TLN2: variants seen among roughly 807,000 people sequenced by gnomAD.
TLN2 encodes the protein talin-2.
A neutral mutation model predicts 294.7 loss-of-function variants in TLN2; 118 were observed. The observed-to-expected ratio is 0.40, with a 90% CI of 0.34 to 0.47. The LOEUF (loss-of-function observed/expected upper bound fraction) is 0.47. Among genes scored for constraint, TLN2 ranks in the 20% least tolerant of loss-of-function variants. TLN2 has a pLI of 0.84. For missense variants in TLN2, 3,083 were observed against 3,282.2 expected (o/e 0.94, Z 1.48); for synonymous variants, 1,431 against 1,304.5 (o/e 1.10, Z -2.09).
intron 1 of TLN2, among the ~76,000 whole-genome samples, chr15:62,462,640 T>C (rs2036868705): frequency 6.6e-6 from 1 of 152,148 alleles, no homozygotes. Flanking sequence ...AGTGAGGTAG[T>C]GCTATAGGCT....
At chr15:62,691,011 A>G (rs1478497137) in intron 12 of TLN2, among the ~76,000 whole-genome samples, 6 of 87,450 alleles carry the variant, frequency 6.9e-5, no homozygotes, top group Non-Finnish European at 1.3e-4. Context: ...GTGGAAAGAG[A>G]GGGGGAGGGA....
intron 1 of TLN2, among the ~76,000 whole-genome samples, chr15:62,426,807 C>T (rs1327665857): frequency 6.6e-6 from 1 of 152,178 alleles, no homozygotes; most frequent in African/African-American, 2.4e-5. Flanking sequence ...GGCTGCTCTC[C>T]AGGGGCTGAG....
At chr15:62,718,657 G>A (rs1382873534) in intron 24 of TLN2, among the ~76,000 whole-genome samples, 1 of 152,174 alleles carries the variant, frequency 6.6e-6, no homozygotes, top group African/African-American at 2.4e-5. Context: ...GGTCCTGTGT[G>A]GATAGAGAAG....
chr15:62,754,071 C>T (rs1303739038), intron 36 of TLN2, 155 bp downstream of exon 36: 9 of 1,020,196 alleles, frequency 8.8e-6, no homozygotes, highest in Middle Eastern at 3.4e-4. Context: ...CAGGTGGGAG[C>T]AAATATTGCA....
intron 14 of TLN2, among the ~76,000 whole-genome samples, chr15:62,695,216 A>G (rs906682334): frequency 1.3e-5 from 2 of 152,218 alleles, no homozygotes; most frequent in African/African-American, 4.8e-5. Context: ...AGAGCAATGT[A>G]ATGACTGTTC....
intron 45 of TLN2, among the ~76,000 whole-genome samples, chr15:62,791,287 G>T (rs760034764): frequency 6.6e-6 from 1 of 152,094 alleles, no homozygotes; most frequent in Non-Finnish European, 1.5e-5. Flanking sequence ...CTGGGAGGCG[G>T]AGATTGCAGT....
At position 62,701,985 on chromosome 15, in the gene TLN2, G is replaced by A; in HGVS notation, c.1697-7G>A. 1 of 1,613,828 alleles carries A rather than the reference G, an allele frequency of 6.2e-7. No individual in the cohort carries two copies. The highest frequency in any genetic ancestry group is 8.5e-7 in the Non-Finnish European group (1 of 1,180,012). On this transcript the variant is annotated splice_region_variant and splice_polypyrimidine_tract_variant and intron_variant, in intron 17 of 58. Transcript: ENST00000636159. ...CCTTTGATGGGGATGGTTCTTTTCT[G>A]TGCCAGGTGACCCTGCAGACACTGA...
chr15:62,542,962 A>C (rs1364368521), intron 1 of TLN2, among the ~76,000 whole-genome samples: 1 of 152,136 alleles, frequency 6.6e-6, no homozygotes, highest in Non-Finnish European at 1.5e-5. Flanking sequence ...GTGGCCAGAG[A>C]AATGGACTGG....
chr15:62,562,908 A>T (rs1298649633), intron 1 of TLN2, among the ~76,000 whole-genome samples: 15 of 11,882 alleles, frequency 1.3e-3, no homozygotes, highest in African/African-American at 3.5e-3. Context: ...GTATTCCATC[A>T]CACACACACA....
chr15:62,788,273 T>C (rs2064839990), intron 45 of TLN2, among the ~76,000 whole-genome samples: 1 of 151,878 alleles, frequency 6.6e-6, no homozygotes. Flanking sequence ...ATCGCACCAT[T>C]GTACTCCAGC....
intron 1 of TLN2, among the ~76,000 whole-genome samples, chr15:62,552,270 T>G (rs976731975): frequency 2.0e-5 from 3 of 152,226 alleles, no homozygotes; most frequent in African/African-American, 7.2e-5. Flanking sequence ...ATCTGTCTTT[T>G]GAGAAATTTG....
intron 9 of TLN2, among the ~76,000 whole-genome samples, chr15:62,664,608 C>T (rs1487516715): frequency 6.6e-6 from 1 of 151,894 alleles, no homozygotes; most frequent in Non-Finnish European, 1.5e-5. Flanking sequence ...CCTGTAATCC[C>T]AGCACTTTGG....
chr15:62,627,121 T>TAC (rs1359780641), intron 3 of TLN2, among the ~76,000 whole-genome samples: 4 of 152,234 alleles, frequency 2.6e-5, no homozygotes, highest in Non-Finnish European at 5.9e-5. Context: ...ACGCCTTTAT[T>TAC]ACACATGCCT....
At chr15:62,406,766 G>C (rs891282315) in intron 1 of TLN2, among the ~76,000 whole-genome samples, 3 of 152,060 alleles carry the variant, frequency 2.0e-5, no homozygotes, top group Non-Finnish European at 4.4e-5. Flanking sequence ...TGATCTGTAA[G>C]CCCTGTCTCC....
rs1302052372 is a variant in TLN2, at chr15:62,420,247, T to TA, written c.-238+29564dup. ...ATTTTTAAATGCTTAATTTAAAAGA[T>TA]AAGACTGTTTGTGTTAAATATTTTC... is the stretch of plus-strand genomic sequence containing the variant. On this transcript the variant is annotated intron_variant, in intron 1 of 58. Transcript: ENST00000636159. Among the ~76,000 whole-genome samples, 4 of 152,250 alleles carry TA rather than the reference T, an allele frequency of 2.6e-5. No individual in the cohort carries two copies. In the East Asian group the frequency reaches 5.8e-4, roughly 22 times the overall value.
At chr15:62,671,266 TAA>T (rs2055383442) in intron 9 of TLN2, among the ~76,000 whole-genome samples, 1 of 152,260 alleles carries the variant, frequency 6.6e-6, no homozygotes, top group Non-Finnish European at 1.5e-5. Flanking sequence ...ATCTGCAATT[TAA>T]AAGTTTATAA....
rs572455966 is a variant in TLN2, at chr15:62,459,891, C to T, written c.-238+69206C>T. 4.6e-5 allele frequency among the ~76,000 whole-genome samples: 7 copies of T among 152,248 alleles called. No individual in the cohort carries two copies. In the South Asian group the frequency reaches 1.0e-3, roughly 23 times the overall value. ...TACTCATGTAGTTTTTTCCCCCTAC[C>T]TCAGAGAGGATTTTCCCCTTGAATG... is the stretch of plus-strand genomic sequence containing the variant. On this transcript the variant is annotated intron_variant, in intron 1 of 58. Coordinates refer to ENST00000636159, the MANE Select transcript of TLN2 (RefSeq NM_015059.3).
At position 62,820,751 on chromosome 15, in the gene TLN2, C is replaced by T. The variant is rs987873076; in HGVS notation, c.7002+141C>T. On this transcript the variant is annotated intron_variant, in intron 54 of 58. Coordinates refer to ENST00000636159, the MANE Select transcript of TLN2 (RefSeq NM_015059.3). The stretch of plus-strand genomic sequence containing the variant: ...GCAAGCAGAAAACCGGATCTACCTG[C>T]CCGGCACTGCTTTAGAGTATGGGGG... The T allele has an allele frequency of 2.7e-6, 3 of 1,122,554 alleles. No individual in the cohort carries two copies. The Admixed American group carries it at 7.4e-5, about 28-fold the overall frequency. 69.5% of individuals were successfully genotyped at this position (1,122,554 alleles called of 1,614,324 possible).
rs2062728759 is a variant in TLN2, at chr15:62,762,345, C to G, written c.4853C>G (p.Thr1618Ser). The stretch of plus-strand genomic sequence containing the variant: ...GAGAGTTCATCGTACCTCATTCGCA[C>G]TGCACGCTCTCTGGCCATCAACCCC... ...MLESSSYLIR[T>S]ARSLAINPKD... is the part of the protein sequence containing the mutation. Residue 1618 changes from threonine to serine, a missense_variant, in exon 39 of 59, where the codon ACT (threonine) becomes AGT (serine). Thr to Ser is a moderately conservative substitution (Grantham distance 58). Coordinates refer to ENST00000636159, the MANE Select transcript of TLN2 (RefSeq NM_015059.3). 1.9e-6 allele frequency: 3 copies of G among 1,614,228 alleles called. No individual in the cohort carries two copies. The highest frequency in any genetic ancestry group is 2.5e-6 in the Non-Finnish European group (3 of 1,180,036).
Sources: gnomAD v4.1 joint callset for allele counts (sites outside exome capture counted in the v4.1 genomes callset) on GRCh38, gnomAD v4.1.1 for gene constraint, MANE v1.5 for transcripts, NCBI Gene and HGNC (gene_info 2026-07-23, HGNC 2026-07-21) for gene names.